PPP2R3A: variants seen among roughly 807,000 people sequenced by gnomAD.
PPP2R3A encodes the protein serine/threonine-protein phosphatase 2A regulatory subunit B'' subunit alpha.
PPP2R3A carries 80 observed loss-of-function variants against 106.9 expected under a neutral mutation model. That is an observed-to-expected ratio of 0.75 (90% CI 0.62 to 0.90). The LOEUF is 0.90. PPP2R3A is among the 40% of genes least tolerant of loss of function. The pLI is 0.00. For synonymous variants in PPP2R3A, 483 were observed against 468.3 expected, an observed-to-expected ratio of 1.03 and a Z score of -0.41; for missense variants, 1,386 against 1,350.4, an observed-to-expected ratio of 1.03 and a Z score of -0.41.
intron 13 of PPP2R3A, among the ~76,000 whole-genome samples, chr3:136,144,702 T>C (rs1647366221): frequency 6.6e-6 from 1 of 152,152 alleles, no homozygotes. Flanking sequence ...AAACCACTTT[T>C]AATAAGGTCA....
chr3:136,019,149 G>A (rs1356647283), intron 2 of PPP2R3A, among the ~76,000 whole-genome samples: 1 of 152,208 alleles, frequency 6.6e-6, no homozygotes, highest in East Asian at 1.9e-4. Context: ...AAGAAGAGAT[G>A]CAGGCAGCTG....
intron 10 of PPP2R3A, among the ~76,000 whole-genome samples, chr3:136,098,860 G>A (rs1336509598): frequency 6.6e-6 from 1 of 152,166 alleles, no homozygotes; most frequent in Non-Finnish European, 1.5e-5. Context: ...AGAGTTTATA[G>A]AAAGTTTGTT....
At chr3:136,025,187 T>C (rs528172377) in intron 2 of PPP2R3A, among the ~76,000 whole-genome samples, 106 of 152,310 alleles carry the variant, frequency 7.0e-4, no homozygotes, top group African/African-American at 2.5e-3. Flanking sequence ...TGTAATTTCC[T>C]TTAATCCTCA....
chr3:136,129,186 GAT>G (rs1254418373), intron 13 of PPP2R3A, among the ~76,000 whole-genome samples: 1 of 143,960 alleles, frequency 6.9e-6, no homozygotes, highest in Non-Finnish European at 1.6e-5. Context: ...AACTGAAAGA[GAT>G]AGAGACAAAA....
At position 136,009,678 on chromosome 3, in the gene PPP2R3A, C is replaced by T. The variant is rs139319324; in HGVS notation, c.1995+6185C>T. Among the ~76,000 whole-genome samples the T allele has an allele frequency of 4.5e-4, 68 of 152,250 alleles. 1 individual carries two copies. In the East Asian group the frequency reaches 0.013, roughly 29 times the overall value. On this transcript the variant is annotated intron_variant, in intron 2 of 13. Transcript: ENST00000264977. ...CAACCCAAACCTAGTAAATCAGAAACTCTGGGGGTAGGGCTCAACATTTTT... is the reference window on the plus strand; with the variant it reads ...CAACCCAAACCTAGTAAATCAGAAATTCTGGGGGTAGGGCTCAACATTTTT...
At chr3:136,114,332 G>A (rs902631947) in intron 13 of PPP2R3A, among the ~76,000 whole-genome samples, 1 of 152,124 alleles carries the variant, frequency 6.6e-6, no homozygotes, top group East Asian at 1.9e-4. Flanking sequence ...CACAAAACTG[G>A]GCAGCCATTC....
intron 1 of PPP2R3A, among the ~76,000 whole-genome samples, chr3:135,992,157 T>C (rs1372016674): frequency 2.0e-5 from 3 of 152,178 alleles, no homozygotes; most frequent in Admixed American, 2.0e-4. Context: ...CTGTACACTT[T>C]TGGTATTCTT....
intron 6 of PPP2R3A, among the ~76,000 whole-genome samples, chr3:136,076,489 T>C (rs536004129): frequency 6.6e-6 from 1 of 152,348 alleles, no homozygotes; most frequent in South Asian, 2.1e-4. Context: ...ATTAGAGACC[T>C]TTCTTGGGTT....
chr3:136,082,870 AT>A (rs1434759169), intron 8 of PPP2R3A, among the ~76,000 whole-genome samples: 1 of 152,308 alleles, frequency 6.6e-6, no homozygotes, highest in African/African-American at 2.4e-5. Context: ...ACTTTTGGAA[AT>A]TTTGTTCCAG....
chr3:136,029,434 C>T (rs56736462), intron 3 of PPP2R3A, among the ~76,000 whole-genome samples: 1,561 of 152,228 alleles, frequency 0.01, 25 homozygotes, highest in African/African-American at 0.037. Context: ...TGCTAGCACT[C>T]CACAGATTCA....
chr3:136,030,558 C>T (rs1299088032), intron 3 of PPP2R3A, among the ~76,000 whole-genome samples: 1 of 151,840 alleles, frequency 6.6e-6, no homozygotes, highest in African/African-American at 2.4e-5. Flanking sequence ...CCTTCCCACC[C>T]TTTACCCCTT....
At chr3:135,994,032 C>T (rs1373572214) in intron 1 of PPP2R3A, among the ~76,000 whole-genome samples, 1 of 152,158 alleles carries the variant, frequency 6.6e-6, no homozygotes, top group African/African-American at 2.4e-5. Flanking sequence ...TGTCAAATCT[C>T]ACTGGATTAC....
intron 10 of PPP2R3A, among the ~76,000 whole-genome samples, chr3:136,093,698 T>C (rs1352948995): frequency 6.6e-6 from 1 of 152,092 alleles, no homozygotes; most frequent in Non-Finnish European, 1.5e-5. Flanking sequence ...AAAACCACAA[T>C]GAGATACCAC....
intron 1 of PPP2R3A, among the ~76,000 whole-genome samples, chr3:135,975,303 T>C (rs567187865): frequency 3.3e-5 from 5 of 152,294 alleles, no homozygotes; most frequent in African/African-American, 1.2e-4. Flanking sequence ...CTAGTGACAG[T>C]CTATCTAGAT....
intron 13 of PPP2R3A, among the ~76,000 whole-genome samples, chr3:136,120,583 T>A (rs1482716171): frequency 6.6e-6 from 1 of 151,850 alleles, no homozygotes; most frequent in East Asian, 1.9e-4. Flanking sequence ...GTGAGACTCT[T>A]GTCTCAAAAA....
At chr3:136,045,367 G>C (rs1441941894) in intron 4 of PPP2R3A, among the ~76,000 whole-genome samples, 1 of 152,222 alleles carries the variant, frequency 6.6e-6, no homozygotes, top group Non-Finnish European at 1.5e-5. Flanking sequence ...CAGTCCAGGA[G>C]TGCCAAGCTG....
At chr3:136,048,016 A>G (rs1238474674) in intron 4 of PPP2R3A, among the ~76,000 whole-genome samples, 1 of 152,146 alleles carries the variant, frequency 6.6e-6, no homozygotes, top group Admixed American at 6.5e-5. Flanking sequence ...ACTACCTGAG[A>G]GATGGATTCG....
intron 2 of PPP2R3A, among the ~76,000 whole-genome samples, chr3:136,025,559 C>T (rs1019227097): frequency 1.3e-5 from 2 of 151,914 alleles, no homozygotes; most frequent in Admixed American, 6.6e-5. Context: ...TAAATCTTAT[C>T]TCTTTATAAA....
intron 13 of PPP2R3A, among the ~76,000 whole-genome samples, chr3:136,140,442 T>TAAAA (rs199699500): frequency 4.6e-5 from 4 of 87,236 alleles, no homozygotes; most frequent in South Asian, 3.4e-4. Context: ...TGAGACTCTT[T>TAAAA]AAAAAAAAAA....
Sources: allele counts gnomAD v4.1 joint callset (sites outside exome capture counted in the v4.1 genomes callset), GRCh38; gene constraint gnomAD v4.1.1; transcripts MANE v1.5; gene names NCBI Gene and HGNC (gene_info 2026-07-23, HGNC 2026-07-21).